Variants in ASAP2 observed in about 807,000 individuals in gnomAD.
The protein encoded by ASAP2 is arf-GAP with SH3 domain, ANK repeat and PH domain-containing protein 2.
ASAP2 carries 45 observed loss-of-function variants against 131.4 expected under a neutral mutation model. That is an observed-to-expected ratio of 0.34 (90% CI 0.27 to 0.44). The LOEUF (loss-of-function observed/expected upper bound fraction) is 0.44. Among genes scored for constraint, ASAP2 ranks in the 20% least tolerant of loss-of-function variants. The pLI, the probability that ASAP2 is intolerant of heterozygous loss-of-function variation, is 1.00. For synonymous variants in ASAP2, 510 were observed against 503.0 expected (o/e 1.01, Z -0.19); for missense variants, 1,011 against 1,297.0 (o/e 0.78, Z 3.39).
chr2:9,361,812 G>T (rs972455760), intron 15 of ASAP2, among the ~76,000 whole-genome samples: 56 of 152,158 alleles, frequency 3.7e-4, no homozygotes, highest in African/African-American at 1.3e-3. Flanking sequence ...TGATCCTCCT[G>T]CTTTGGCCTC....
rs532910286 is a variant in ASAP2, at chr2:9,232,619, C to G, written c.126+25389C>G. Among the ~76,000 whole-genome samples the G allele has an allele frequency of 3.3e-5, 5 of 152,298 alleles. No homozygotes were observed. The highest frequency in any genetic ancestry group is 9.6e-5 in the African/African-American group (4 of 41,562). The stretch of plus-strand genomic sequence containing the variant: ...GCTTCCTGGGGGCAGGGATTTTTGA[C>G]TCTTACTTAGTGATGCATCCTCAGC... On this transcript the variant is annotated intron_variant, in intron 1 of 27. Transcript: ENST00000281419. This position sits in a 1 kb window ranked among gnomAD's most constrained non-coding sequence, Gnocchi z 4.1.
chr2:9,302,699 T>A (rs760357147), intron 3 of ASAP2, among the ~76,000 whole-genome samples: 2 of 152,106 alleles, frequency 1.3e-5, no homozygotes, highest in African/African-American at 2.4e-5. Context: ...GGTCTCGAAC[T>A]CCTGACCTCA....
chr2:9,381,751 G>A (rs115849799), intron 20 of ASAP2, among the ~76,000 whole-genome samples: 225 of 152,104 alleles, frequency 1.5e-3, no homozygotes, highest in African/African-American at 5.1e-3. Context: ...AAAACGTTTC[G>A]AATTAGCTGG....
chr2:9,300,332 G>A (rs937416731), intron 3 of ASAP2, among the ~76,000 whole-genome samples: 1 of 152,224 alleles, frequency 6.6e-6, no homozygotes, highest in African/African-American at 2.4e-5. Context: ...GAATCCGGAC[G>A]AAACTAACTT....
Position 9,259,263 on chromosome 2 carries a change from C to T in ASAP2, c.127-20054C>T, listed in dbSNP as rs72773381. On this transcript the variant is annotated intron_variant, in intron 1 of 27. Transcript: ENST00000281419. ...CTTCCTTGGGGAGAAACATTCATCC[C>T]TCAACGCTGAGAATAAATGGCCTTT... 4.7e-3 allele frequency among the ~76,000 whole-genome samples: 712 copies of T among 152,350 alleles called. 3 individuals are homozygous for T. The highest frequency in any genetic ancestry group is 8.3e-3 in the Non-Finnish European group (563 of 68,030).
At chr2:9,336,386 G>T (rs960009761) in intron 9 of ASAP2, among the ~76,000 whole-genome samples, 13 of 149,296 alleles carry the variant, frequency 8.7e-5, no homozygotes, top group African/African-American at 3.2e-4. Context: ...GATCACCCCA[G>T]CCCACAGTGA....
intron 23 of ASAP2, among the ~76,000 whole-genome samples, chr2:9,391,582 T>G (rs995648350): frequency 2.7e-5 from 4 of 149,704 alleles, no homozygotes; most frequent in Non-Finnish European, 6.0e-5. Context: ...TTTTCTTTTT[T>G]TTTTTTTTTT....
intron 2 of ASAP2, among the ~76,000 whole-genome samples, chr2:9,280,522 T>G (rs1392727560): frequency 2.0e-5 from 3 of 152,136 alleles, no homozygotes; most frequent in African/African-American, 7.2e-5. Context: ...TAGGAACAAA[T>G]TTAACAGAAG....
At chr2:9,379,777 G>A (rs981096898) in intron 19 of ASAP2, among the ~76,000 whole-genome samples, 3 of 152,084 alleles carry the variant, frequency 2.0e-5, no homozygotes, top group Admixed American at 1.3e-4. Flanking sequence ...AGTGGCTCAC[G>A]AGGTCAAGAG....
At chr2:9,225,337 C>T (rs1331461245) in intron 1 of ASAP2, among the ~76,000 whole-genome samples, 7 of 152,128 alleles carry the variant, frequency 4.6e-5, no homozygotes, top group African/African-American at 1.7e-4. Context: ...TGTGAGGAAC[C>T]TTAAAGACAC....
intron 1 of ASAP2, among the ~76,000 whole-genome samples, chr2:9,235,882 G>A (rs6431993): frequency 0.55 from 83,660 of 152,034 alleles, 24,669 homozygotes; most frequent in African/African-American, 0.78. Context: ...TTAGGCAGAT[G>A]GAGCTGCTCC....
At chr2:9,278,428 G>A (rs182133188) in intron 1 of ASAP2, among the ~76,000 whole-genome samples, 20 of 151,476 alleles carry the variant, frequency 1.3e-4, no homozygotes, top group African/African-American at 4.8e-4. Flanking sequence ...CAGGAGAATT[G>A]CTTGAACCCA....
At chr2:9,363,999 A>G (rs1285857835) in intron 15 of ASAP2, among the ~76,000 whole-genome samples, 2 of 152,156 alleles carry the variant, frequency 1.3e-5, no homozygotes, top group East Asian at 3.9e-4. Flanking sequence ...AAGCAAACCT[A>G]CTTTGGGAAA....
At chr2:9,364,037 A>C (rs1472353724) in intron 15 of ASAP2, among the ~76,000 whole-genome samples, 3 of 152,254 alleles carry the variant, frequency 2.0e-5, no homozygotes, top group Non-Finnish European at 4.4e-5. Flanking sequence ...AGATTTTAAA[A>C]AGATAAATTT....
At chr2:9,211,828 T>G (rs1363445310) in intron 1 of ASAP2, among the ~76,000 whole-genome samples, 1 of 152,234 alleles carries the variant, frequency 6.6e-6, no homozygotes, top group East Asian at 1.9e-4. Context: ...GTGACTTGTT[T>G]GAAAAACAGT....
chr2:9,276,890 A>G (rs949386008), intron 1 of ASAP2, among the ~76,000 whole-genome samples: 4 of 152,138 alleles, frequency 2.6e-5, no homozygotes, highest in Admixed American at 6.5e-5. Flanking sequence ...TTGCTGGCCC[A>G]TGGAAGGTGC....
intron 24 of ASAP2, among the ~76,000 whole-genome samples, chr2:9,395,776 T>A (rs1356007030): frequency 6.6e-6 from 1 of 151,056 alleles, no homozygotes; most frequent in African/African-American, 2.4e-5. Flanking sequence ...CCTGGCCAAT[T>A]TTTTATATTT....
At position 9,227,630 on chromosome 2, in the gene ASAP2, A is replaced by T. The variant is rs145436685; in HGVS notation, c.126+20400A>T. ...ATAATTGGTAAGTAGTAGCCCTGAG[A>T]CTTTAACCAGGATCTTACAGCTCTT... is the stretch of plus-strand genomic sequence containing the variant. On this transcript the variant is annotated intron_variant, in intron 1 of 27. Coordinates refer to ENST00000281419, the MANE Select transcript of ASAP2 (RefSeq NM_003887.3). Among the ~76,000 whole-genome samples the T allele has an allele frequency of 1.6e-4, 24 of 152,314 alleles. No homozygotes were observed. In the East Asian group the frequency reaches 4.6e-3, roughly 29 times the overall value.
At chr2:9,215,259 G>A (rs767276445) in intron 1 of ASAP2, among the ~76,000 whole-genome samples, 7 of 152,176 alleles carry the variant, frequency 4.6e-5, no homozygotes, top group Non-Finnish European at 1.0e-4. Context: ...GAGGTCGTCT[G>A]TGTGGTTCAT....
Sources: gnomAD v4.1 joint callset for allele counts (sites outside exome capture counted in the v4.1 genomes callset) on GRCh38, gnomAD v4.1.1 for gene constraint, Gnocchi (gnomAD v3.1) non-coding constraint, MANE v1.5 for transcripts, NCBI Gene and HGNC (gene_info 2026-07-23, HGNC 2026-07-21) for gene names.